AMN1: variants seen among roughly 807,000 people sequenced by gnomAD.
AMN1 encodes the protein antagonist of mitotic exit network 1 homolog.
A neutral mutation model predicts 33.0 loss-of-function variants in AMN1; 20 were observed. The ratio of observed to expected loss-of-function variants is 0.61; its 90% CI spans 0.43 to 0.88. The LOEUF (loss-of-function observed/expected upper bound fraction) is 0.88. Ranked by LOEUF, AMN1 falls within the 40% of genes least tolerant of loss-of-function variation. The pLI is 0.00. For missense variants in AMN1, 246 were observed against 307.4 expected (o/e 0.80, Z 1.49); for synonymous variants, 114 against 111.9 (o/e 1.02, Z -0.12).
chr12:31,689,050 A>G lies in AMN1; in HGVS notation c.660T>C (p.Pro220=). The G allele has an allele frequency of 6.2e-7, 1 of 1,613,646 alleles. No individual in the cohort carries two copies. Among genetic ancestry groups the G allele is most frequent in the Non-Finnish European group, 8.5e-7 (1 of 1,179,718 alleles). Residue 220 remains proline (P), a synonymous_variant, in exon 6 of 7, where the codon CCT becomes CCC. Transcript: ENST00000281471. ...GAVEAVLTYC[P]QIRILLFHGC... Reference sequence around the variant, plus strand: ...CATGGAAGAGTAATATACGTATTTGAGGACAGTAAGTAAGGACAGCTTCGA... The same window carrying G: ...CATGGAAGAGTAATATACGTATTTGGGGACAGTAAGTAAGGACAGCTTCGA...
rs1326727579 is a variant in AMN1, at chr12:31,672,236, C to T, written c.*68G>A. ...TTAACATTAAGTAGAATGCAAATCT[C>T]TATAGATGGTTTCCTGGGAAAGTAG... On this transcript the variant is annotated 3_prime_UTR_variant, in exon 7 of 7. Coordinates refer to ENST00000281471, the MANE Select transcript of AMN1 (RefSeq NM_001113402.2). 3.8e-6 allele frequency: 4 copies of T among 1,061,342 alleles called. No individual in the cohort carries two copies. Among genetic ancestry groups the T allele is most frequent in the African/African-American group, 1.6e-5 (1 of 63,260 alleles). 65.7% of individuals were successfully genotyped at this position (1,061,342 alleles called of 1,614,324 possible).
intron 5 of AMN1, among the ~76,000 whole-genome samples, chr12:31,695,037 A>G (rs1013951418): frequency 2.0e-5 from 3 of 152,226 alleles, no homozygotes; most frequent in Non-Finnish European, 4.4e-5. Flanking sequence ...AGACATTTCC[A>G]TTAAAATGTT....
chr12:31,684,937 A>G (rs779174201), intron 6 of AMN1, among the ~76,000 whole-genome samples: 11 of 152,178 alleles, frequency 7.2e-5, no homozygotes, highest in Non-Finnish European at 1.6e-4. Flanking sequence ...TCTGAAACAT[A>G]CGGGGAATAC....
intron 6 of AMN1, among the ~76,000 whole-genome samples, chr12:31,678,359 C>T (rs1425324692): frequency 6.6e-6 from 1 of 151,238 alleles, no homozygotes; most frequent in Admixed American, 6.6e-5. Flanking sequence ...GCACTTGGAA[C>T]ACCAAGAAGA....
intron 5 of AMN1, among the ~76,000 whole-genome samples, chr12:31,696,006 G>T (rs1268012136): frequency 6.6e-6 from 1 of 151,734 alleles, no homozygotes; most frequent in Non-Finnish European, 1.5e-5. Flanking sequence ...ACTTTGGGAG[G>T]TCGAGGGGGG....
chr12:31,689,079 C>A lies in AMN1; in HGVS notation c.631G>T (p.Ala211Ser), dbSNP rs1256149108. Residue 211 changes from alanine to serine, a missense_variant, in exon 6 of 7, where the codon GCT (alanine) becomes TCT (serine). Coordinates refer to ENST00000281471, the MANE Select transcript of AMN1 (RefSeq NM_001113402.2). ...MGHCVNLTDG[A>S]VEAVLTYCPQ... ...CAGTAAGTAAGGACAGCTTCGACAG[C>A]CCCATCAGTCAGATTTACACAATGT... 3 of 1,613,174 alleles carry A rather than the reference C, an allele frequency of 1.9e-6. No individual in the cohort carries two copies. The highest frequency in any genetic ancestry group is 2.7e-5 in the African/African-American group (2 of 74,860).
At position 31,697,793 on chromosome 12, in the gene AMN1, C is replaced by A; in HGVS notation, c.481G>T (p.Ala161Ser). 6.2e-7 allele frequency: 1 copy of A among 1,613,966 alleles called. No individual in the cohort carries two copies. The change falls in exon 4 of 7, where the codon GCA becomes TCA. Residue 161 changes from alanine (A) to serine (S), a missense_variant. Transcript: ENST00000281471. Reference protein sequence around the residue: ...CLSITDVSLHALGKNCPFLQC... With the variant: ...CLSITDVSLHSLGKNCPFLQC... ...AAAAATGGGCAGTTTTTTCCTAATG[C>A]ATGTAAGGACACATCAGTAATACTT...
At chr12:31,721,823 G>A (rs1939886858) in intron 1 of AMN1, among the ~76,000 whole-genome samples, 1 of 152,160 alleles carries the variant, frequency 6.6e-6, no homozygotes, top group Non-Finnish European at 1.5e-5. Context: ...AGATGTCCAT[G>A]GTAATGGCTC....
chr12:31,707,166 T>C (rs899495359), intron 2 of AMN1, among the ~76,000 whole-genome samples: 2 of 152,180 alleles, frequency 1.3e-5, no homozygotes, highest in Non-Finnish European at 2.9e-5. Context: ...ATCAATATTT[T>C]TTCAGTAAAA....
intron 6 of AMN1, among the ~76,000 whole-genome samples, chr12:31,674,179 C>T (rs1017224880): frequency 3.3e-5 from 5 of 151,604 alleles, no homozygotes; most frequent in Non-Finnish European, 5.9e-5. Flanking sequence ...GAGGCTGAGG[C>T]GGGCAGATCA....
intron 5 of AMN1, among the ~76,000 whole-genome samples, chr12:31,689,979 A>G (rs936289738): frequency 5.9e-5 from 9 of 152,196 alleles, no homozygotes; most frequent in Non-Finnish European, 1.2e-4. Flanking sequence ...CTCATAATTT[A>G]GCTCCTACTT....
intron 5 of AMN1, among the ~76,000 whole-genome samples, chr12:31,695,488 T>TTTC (rs1443219395): frequency 2.5e-3 from 33 of 13,464 alleles, no homozygotes; most frequent in East Asian, 8.9e-3. Context: ...TCTTTCTTTC[T>TTTC]TTTTTTTTTT....
chr12:31,696,648 C>T (rs952457079), intron 5 of AMN1, among the ~76,000 whole-genome samples: 12 of 151,904 alleles, frequency 7.9e-5, no homozygotes, highest in African/African-American at 2.4e-4. Flanking sequence ...TTTTTTAGGC[C>T]GGGTGCAGTG....
intron 6 of AMN1, among the ~76,000 whole-genome samples, chr12:31,673,326 C>T (rs1050702641): frequency 1.3e-5 from 2 of 150,178 alleles, no homozygotes; most frequent in Non-Finnish European, 3.0e-5. Flanking sequence ...CAAAATTAAG[C>T]AAAAATACCA....
intron 3 of AMN1, among the ~76,000 whole-genome samples, chr12:31,699,953 G>GT (rs1278199123): frequency 1.3e-5 from 2 of 152,198 alleles, no homozygotes; most frequent in African/African-American, 2.4e-5. Context: ...GAAGTGTGGT[G>GT]TGAGTGTAGA....
chr12:31,717,327 T>C (rs981205092), intron 1 of AMN1, among the ~76,000 whole-genome samples: 2 of 152,256 alleles, frequency 1.3e-5, no homozygotes, highest in Admixed American at 6.5e-5. Context: ...TGTACCACAC[T>C]TTCTTTATCC....
chr12:31,703,049 T>C (rs964955722), intron 2 of AMN1, among the ~76,000 whole-genome samples: 1 of 152,178 alleles, frequency 6.6e-6, no homozygotes, highest in African/African-American at 2.4e-5. Context: ...CATTATGTTA[T>C]TTAATATTCT....
In AMN1 at chr12:31,729,000, G is replaced by A; in HGVS notation, c.9C>T (p.Arg3=). Residue 3 remains arginine (R), a synonymous_variant, in exon 1 of 7, where the codon CGC becomes CGT. Coordinates refer to ENST00000281471, the MANE Select transcript of AMN1 (RefSeq NM_001113402.2). The stretch of plus-strand genomic sequence containing the variant: ...CCAGGAGCTGACTGACCCGCCGTGG[G>A]CGAGGCATCGCTGCAGCGTCTGAAG... The part of the protein sequence containing the change: MP[R]PRRVSQLLDL... 1 of 1,545,278 alleles carries A rather than the reference G, an allele frequency of 6.5e-7. No homozygotes were observed. Among genetic ancestry groups the A allele is most frequent in the Non-Finnish European group, 8.8e-7 (1 of 1,142,642 alleles).
In AMN1 at chr12:31,720,687, C is replaced by T. The variant is rs1222905363; in HGVS notation, c.38+8284G>A. Among the ~76,000 whole-genome samples the T allele has an allele frequency of 2.0e-5, 3 of 152,282 alleles. No homozygotes were observed. In the East Asian group the frequency reaches 5.8e-4, roughly 29 times the overall value. Reference sequence around the variant, plus strand: ...AATATGTGGCCTCTGTGTCTGGCTGCCTTCAATTAGCATCATGTTTTCAAG... The same window carrying T: ...AATATGTGGCCTCTGTGTCTGGCTGTCTTCAATTAGCATCATGTTTTCAAG... On this transcript the variant is annotated intron_variant, in intron 1 of 6. Coordinates refer to ENST00000281471, the MANE Select transcript of AMN1 (RefSeq NM_001113402.2).
Sources: gnomAD v4.1 joint callset for allele counts (sites outside exome capture counted in the v4.1 genomes callset) on GRCh38, gnomAD v4.1.1 for gene constraint, MANE v1.5 for transcripts, NCBI Gene and HGNC (gene_info 2026-07-23, HGNC 2026-07-21) for gene names.